Variants in NBPF12 observed in about 807,000 individuals in gnomAD.
The protein encoded by NBPF12 is NBPF member 12.
In NBPF12, 115 loss-of-function variants were observed where a neutral mutation model predicts 146.4. That is an observed-to-expected ratio of 0.79 (90% CI 0.68 to 0.92). The LOEUF (loss-of-function observed/expected upper bound fraction) is 0.92, where lower values mean the gene tolerates loss of function less well. NBPF12 is among the 40% of genes least tolerant of loss of function. The probability of loss-of-function intolerance (pLI) is 0.00; values close to 1 mark genes in which losing one functional copy is unlikely to be tolerated. For missense variants in NBPF12, 1,205 were observed against 1,326.8 expected (o/e 0.91, Z 1.43); for synonymous variants, 385 against 508.9 (o/e 0.76, Z 3.28).
chr1:146,963,279 G>T, exon 6 of NBPF12: 1 of 1,611,972 alleles, frequency 6.2e-7, no homozygotes, highest in Non-Finnish European at 8.5e-7. Flanking sequence ...GTGTAGACTG[G>T]CACAGCAACT....
chr1:146,991,116 C>G, exon 30 of NBPF12: 1 of 675,094 alleles, frequency 1.5e-6, no homozygotes, highest in East Asian at 2.7e-5. Flanking sequence ...TTTCCAGGCT[C>G]AGCAGGGAGC....
chr1:146,950,470 T>G (rs1283939000), intron 1 of NBPF12, among the ~76,000 whole-genome samples: 4 of 151,752 alleles, frequency 2.6e-5, no homozygotes, highest in African/African-American at 9.7e-5. Flanking sequence ...TAACCCAAAA[T>G]AGTTTGGAAA....
intron 15 of NBPF12, among the ~76,000 whole-genome samples, chr1:146,975,207 T>TTCACTCAATCATTCTTTCA (rs1336863116): frequency 1.3e-4 from 18 of 137,538 alleles, no homozygotes; most frequent in Non-Finnish European, 2.4e-4. Flanking sequence ...GACTGCGGCT[T>TTCACTCAATCATTCTTTCA]CTCATTCTTT....
At position 146,972,981 on chromosome 1, in the gene NBPF12, A is replaced by G. The variant is rs1553886832; in HGVS notation, c.1801+21A>G. On this transcript the variant is annotated intron_variant, in intron 14 of 33. Transcript: ENST00000617844. ...ATACAGTAAGATCTATATGCTCACCATCATGAAAGTGATGAACGAAGTCCT... is the reference window on the plus strand; with the variant it reads ...ATACAGTAAGATCTATATGCTCACCGTCATGAAAGTGATGAACGAAGTCCT... The G allele has an allele frequency of 1.9e-5, 17 of 914,574 alleles. 2 individuals carry two copies. The African/African-American group carries it at 2.5e-4, about 13-fold the overall frequency. The allele number at this position is 914,574 out of a possible 1,614,324, so 56.7% of individuals were successfully genotyped here.
chr1:146,970,230 G>A (rs1473218193), intron 11 of NBPF12, among the ~76,000 whole-genome samples: 2 of 150,460 alleles, frequency 1.3e-5, no homozygotes, highest in African/African-American at 2.5e-5. Flanking sequence ...GGCCTGTGCA[G>A]TCTCATGACG....
rs587682523 is a variant in NBPF12, at chr1:146,994,373, T to C, written c.4172T>C (p.Leu1391Ser). Residue 1391 changes from leucine to serine, a missense_variant, in exon 34 of 34, where the codon TTG (leucine) becomes TCG (serine). By Grantham distance (145) the Leu-to-Ser change is moderately radical. Coordinates refer to ENST00000617844, the Ensembl canonical transcript of NBPF12. ...ATGGAAGTGGAAGAGCCTGAAGTCT[T>C]GCAGGACTCACTGGATAGATGTTAT... 4 of 1,612,370 alleles carry C rather than the reference T, an allele frequency of 2.5e-6. No homozygotes were observed. In the South Asian group the frequency reaches 4.4e-5, roughly 18 times the overall value.
At chr1:146,942,882 C>A (rs1654869183) in intron 1 of NBPF12, among the ~76,000 whole-genome samples, 1 of 150,104 alleles carries the variant, frequency 6.7e-6, no homozygotes, top group African/African-American at 2.5e-5. Context: ...CTCAAATATT[C>A]CTTACTTTAT....
intron 1 of NBPF12, among the ~76,000 whole-genome samples, chr1:146,950,133 C>T (rs1325246335): frequency 1.3e-5 from 2 of 152,046 alleles, no homozygotes; most frequent in Admixed American, 6.5e-5. Context: ...CACATTCCCC[C>T]ATCTGCAAAG....
rs1209227782 is a variant in NBPF12 at position 146,981,289 on chromosome 1, AAAAAAAT to A, written c.2451-1637_2451-1631del. Among the ~76,000 whole-genome samples the A allele has an allele frequency of 7.1e-5, 8 of 113,004 alleles. No individual in the cohort carries two copies. In the South Asian group the frequency reaches 7.5e-4, roughly 11 times the overall value. The allele number at this position is 113,004 out of a possible 152,430, so 74.1% of individuals were successfully genotyped here. The stretch of plus-strand genomic sequence containing the variant: ...AGACTTAAAGTATTAAAAAAAAAAA[AAAAAAAT>A]ATATATATATATATATATACATACA... On this transcript the variant is annotated intron_variant, in intron 19 of 33. Transcript: ENST00000617844.
intron 5 of NBPF12, among the ~76,000 whole-genome samples, chr1:146,962,642 A>C (rs1655928021): frequency 6.6e-6 from 1 of 150,814 alleles, no homozygotes; most frequent in Non-Finnish European, 1.5e-5. Context: ...CTTTCACTCA[A>C]TCAATGTTGC....
intron 19 of NBPF12, among the ~76,000 whole-genome samples, chr1:146,981,277 T>TAAAAAAA: frequency 9.9e-6 from 1 of 101,284 alleles, no homozygotes; most frequent in Non-Finnish European, 1.9e-5. Flanking sequence ...CTTAAAGTAT[T>TAAAAAAA]AAAAAAAAAA....
At position 146,994,281 on chromosome 1, in the gene NBPF12, G is replaced by C. The variant is rs1323906946; in HGVS notation, c.4131-51G>C. ...TACTTCTGAAATCTAGTGAGGCTCT[G>C]TGGTGTCTGACTTTCCCTGGCTGCT... On this transcript the variant is annotated intron_variant, in intron 33 of 33. Coordinates refer to ENST00000617844, the Ensembl canonical transcript of NBPF12. The C allele has an allele frequency of 1.5e-5, 24 of 1,610,928 alleles. No individual in the cohort carries two copies. In the African/African-American group the frequency reaches 1.6e-4, roughly 11 times the overall value.
chr1:146,964,724 G>C, intron 7 of NBPF12, among the ~76,000 whole-genome samples, 169 bp from the exon 11 acceptor site: 1 of 152,014 alleles, frequency 6.6e-6, no homozygotes, highest in East Asian at 1.9e-4. Flanking sequence ...TGGCAGCCAT[G>C]CTCTGTTGCA....
At chr1:146,957,244 AG>A (rs1314039262) in intron 2 of NBPF12, 1 of 113,030 alleles carries the variant, frequency 8.8e-6, no homozygotes, top group Non-Finnish European at 1.9e-5. Flanking sequence ...GTGGAGTGGA[AG>A]GAACAAAGGA....
At chr1:146,951,011 T>C (rs1408474185) in intron 1 of NBPF12, among the ~76,000 whole-genome samples, 2 of 152,060 alleles carry the variant, frequency 1.3e-5, no homozygotes, top group African/African-American at 4.8e-5. Context: ...TTTATACTAT[T>C]GTACATTCCA....
chr1:146,958,085 C>T (rs1158606674), intron 2 of NBPF12, among the ~76,000 whole-genome samples: 1 of 115,250 alleles, frequency 8.7e-6, no homozygotes, highest in African/African-American at 3.2e-5. Context: ...TTTGCTGCAC[C>T]CATTAACTCG....
chr1:146,957,631 C>G (rs1655652033), intron 2 of NBPF12: 1 of 133,378 alleles, frequency 7.5e-6, no homozygotes, highest in African/African-American at 2.7e-5. Flanking sequence ...CGTGTCCTAA[C>G]AGGTCCCGTC....
intron 8 of NBPF12, 31 bp from the exon 12 acceptor site, chr1:146,966,433 C>G (rs1348349208): frequency 1.5e-6 from 2 of 1,330,818 alleles, no homozygotes; most frequent in Non-Finnish European, 2.2e-6. Flanking sequence ...CAGTTTTTAA[C>G]CCATCATGTG....
chr1:146,938,377 G>C (rs1308636364), upstream of NBPF12, among the ~76,000 whole-genome samples: 1 of 152,088 alleles, frequency 6.6e-6, no homozygotes, highest in African/African-American at 2.4e-5. Context: ...TCCTAAAGGC[G>C]GGGTCGCTCC....
Sources: gnomAD v4.1 joint callset for allele counts (sites outside exome capture counted in the v4.1 genomes callset) on GRCh38, gnomAD v4.1.1 for gene constraint, MANE v1.5 for transcripts, NCBI Gene and HGNC (gene_info 2026-07-23, HGNC 2026-07-21) for gene names.